EPS8: variants seen among roughly 807,000 people sequenced by gnomAD.
The protein encoded by EPS8 is epidermal growth factor receptor kinase substrate 8.
In EPS8, 42 loss-of-function variants were observed where a neutral mutation model predicts 103.8. The observed-to-expected ratio is 0.40, with a 90% confidence interval of 0.32 to 0.52. EPS8 has a LOEUF of 0.52. Among genes scored for constraint, EPS8 ranks in the 20% least tolerant of loss-of-function variants. The probability of loss-of-function intolerance (pLI) is 0.40; values close to 1 mark genes in which losing one functional copy is unlikely to be tolerated. For synonymous variants in EPS8, 344 were observed against 344.6 expected, an observed-to-expected ratio of 1.00 and a Z score of 0.02; for missense variants, 969 against 1,005.1, an observed-to-expected ratio of 0.96 and a Z score of 0.49.
rs1946354882 is a variant in EPS8 at position 15,704,287 on chromosome 12, C to G, written c.-21-21315G>C. 6.6e-6 allele frequency among the ~76,000 whole-genome samples: 1 copy of G among 152,144 alleles called. No individual in the cohort carries two copies. The highest frequency in any genetic ancestry group is 2.1e-4 in the South Asian group (1 of 4,832). ...GATATTTGTACACCCATGCTCATAT[C>G]AACATTATTCACGAGAGCCAAAAGG... On this transcript the variant is annotated intron_variant, in intron 1 of 20. Transcript: ENST00000281172. This position sits in a 1 kb window ranked among gnomAD's most constrained non-coding sequence, Gnocchi z 4.6.
chr12:15,729,792 G>A (rs1946693910), intron 1 of EPS8, among the ~76,000 whole-genome samples: 1 of 152,112 alleles, frequency 6.6e-6, no homozygotes, highest in African/African-American at 2.4e-5. Context: ...ATGCGTGTAT[G>A]ATTTCAATCT....
chr12:15,760,769 T>C lies in EPS8; in HGVS notation c.-22+28392A>G, dbSNP rs892370526. Among the ~76,000 whole-genome samples the C allele has an allele frequency of 4.6e-5, 7 of 151,840 alleles. No homozygotes were observed. The highest frequency in any genetic ancestry group is 8.8e-5 in the Non-Finnish European group (6 of 67,894). The stretch of plus-strand genomic sequence containing the variant: ...TAACATCCCTTCATGATAAAAACCC[T>C]CAAAAAGCTGGGAACAGAAAGAATA... On this transcript the variant is annotated intron_variant, in intron 1 of 20. Transcript: ENST00000281172. This position sits in a 1 kb window ranked among gnomAD's most constrained non-coding sequence, Gnocchi z 4.5.
Position 15,660,656 on chromosome 12 carries a change from T to C in EPS8, c.895A>G (p.Lys299Glu), listed in dbSNP as rs1205769391. Residue 299 changes from lysine (K) to glutamate (E), a missense_variant, in exon 10 of 21, where the codon AAA becomes GAA. By Grantham distance (56) the Lys-to-Glu change is moderately conservative. Transcript: ENST00000281172. ...TTACCTTTCTTGTTTTTCTTCCTTT[T>C]AGAAAGCTCAGAAAATGCTTCTGCT... ...KAAEAFSELS[K>E]RKKNKKGKRK... The C allele has an allele frequency of 2.5e-6, 4 of 1,604,216 alleles. No homozygotes were observed. Among genetic ancestry groups the C allele is most frequent in the Admixed American group, 3.3e-5 (2 of 59,898 alleles).
At chr12:15,740,919 T>C (rs946710344) in intron 1 of EPS8, among the ~76,000 whole-genome samples, 2 of 152,182 alleles carry the variant, frequency 1.3e-5, no homozygotes, top group Non-Finnish European at 2.9e-5. Flanking sequence ...AAGGTCAATT[T>C]CTTTTTTAAA....
At chr12:15,625,363 C>T (rs1944927798) in intron 18 of EPS8, among the ~76,000 whole-genome samples, 1 of 152,144 alleles carries the variant, frequency 6.6e-6, no homozygotes, top group Non-Finnish European at 1.5e-5. Context: ...GTTCATCAGC[C>T]TGCAAACATG....
intron 1 of EPS8, among the ~76,000 whole-genome samples, chr12:15,732,941 C>T (rs1170636326): frequency 6.6e-6 from 1 of 152,120 alleles, no homozygotes; most frequent in African/African-American, 2.4e-5. Context: ...GACTAAGACA[C>T]AGAAATAGCA....
At chr12:15,692,891 T>G (rs1268162298) in intron 1 of EPS8, among the ~76,000 whole-genome samples, 2 of 152,200 alleles carry the variant, frequency 1.3e-5, no homozygotes, top group East Asian at 3.8e-4. Context: ...ATTTTCTGAT[T>G]ACAGTATATT....
At chr12:15,774,028 T>C (rs889803294) in intron 1 of EPS8, among the ~76,000 whole-genome samples, 1 of 152,064 alleles carries the variant, frequency 6.6e-6, no homozygotes, top group East Asian at 1.9e-4. Flanking sequence ...TCACCAGAAG[T>C]GTACAAACTA....
chr12:15,777,332 T>C lies in EPS8; in HGVS notation c.-22+11829A>G, dbSNP rs542590833. The stretch of plus-strand genomic sequence containing the variant: ...AAAACCAACAGCATATGTTCTAATA[T>C]ATGACCAAAACCACAGTGGACCTTT... On this transcript the variant is annotated intron_variant, in intron 1 of 20. Coordinates refer to ENST00000281172, the MANE Select transcript of EPS8 (RefSeq NM_004447.6). This position sits in a 1 kb window ranked among gnomAD's most constrained non-coding sequence, Gnocchi z 4.7. Among the ~76,000 whole-genome samples the C allele has an allele frequency of 9.9e-5, 15 of 152,176 alleles. No individual in the cohort carries two copies. The highest frequency in any genetic ancestry group is 2.6e-4 in the Admixed American group (4 of 15,282).
At chr12:15,730,932 A>G (rs1946708737) in intron 1 of EPS8, among the ~76,000 whole-genome samples, 1 of 152,194 alleles carries the variant, frequency 6.6e-6, no homozygotes, top group South Asian at 2.1e-4. Context: ...ACATATAAAT[A>G]AGAATATCTA....
chr12:15,681,586 C>T (rs544861633), intron 2 of EPS8, among the ~76,000 whole-genome samples: 11 of 151,602 alleles, frequency 7.3e-5, no homozygotes, highest in Non-Finnish European at 1.5e-4. Context: ...CAAAATTAGC[C>T]GGGCGTTGTG....
rs148091973 is a variant in EPS8 at position 15,721,681 on chromosome 12, A to G, written c.-21-38709T>C. ...TGCCTTTGTCTTGCGCATCAAGTTA[A>G]AAGGATTTTCCTGAAAACTTAAAAG... On this transcript the variant is annotated intron_variant, in intron 1 of 20. Coordinates refer to ENST00000281172, the MANE Select transcript of EPS8 (RefSeq NM_004447.6). The surrounding 1 kb of genome is among the most constrained non-coding windows in gnomAD (Gnocchi z 4.4). Among the ~76,000 whole-genome samples the G allele has an allele frequency of 1.8e-3, 277 of 152,310 alleles. 1 individual carries two copies. The highest frequency in any genetic ancestry group is 6.3e-3 in the African/African-American group (263 of 41,558).
chr12:15,685,708 T>C (rs1312781808), intron 1 of EPS8, among the ~76,000 whole-genome samples: 2 of 152,192 alleles, frequency 1.3e-5, no homozygotes, highest in South Asian at 2.1e-4. Flanking sequence ...GTGGCAAATA[T>C]GGAGGCTTTC....
In EPS8 at chr12:15,762,584, C is replaced by CA. The variant is rs1267218938; in HGVS notation, c.-22+26576dup. On this transcript the variant is annotated intron_variant, in intron 1 of 20. Transcript: ENST00000281172. This position sits in a 1 kb window ranked among gnomAD's most constrained non-coding sequence, Gnocchi z 4.8. ...ATAAAGTAAATGTGGTACTTATACA[C>CA]AATGGAGTACTATTCATAAAATGAA... 2.6e-5 allele frequency among the ~76,000 whole-genome samples: 4 copies of CA among 152,222 alleles called. No individual in the cohort carries two copies. The East Asian group carries it at 5.8e-4, about 22-fold the overall frequency.
In EPS8 at chr12:15,749,194, G is replaced by A. The variant is rs1946906330; in HGVS notation, c.-22+39967C>T. Among the ~76,000 whole-genome samples, 1 of 151,976 alleles carries A rather than the reference G, an allele frequency of 6.6e-6. No individual in the cohort carries two copies. The highest frequency in any genetic ancestry group is 2.4e-5 in the African/African-American group (1 of 41,370). The stretch of plus-strand genomic sequence containing the variant: ...CACTAAGGGCCAATATAGGAAACAA[G>A]TAATTAAAAAAAAATTTATTCTGGT... On this transcript the variant is annotated intron_variant, in intron 1 of 20. Coordinates refer to ENST00000281172, the MANE Select transcript of EPS8 (RefSeq NM_004447.6). The surrounding 1 kb of genome is among the most constrained non-coding windows in gnomAD (Gnocchi z 4.0).
chr12:15,690,004 A>T lies in EPS8; in HGVS notation c.-21-7032T>A, dbSNP rs1446395603. ...AAAATAGTAAATCATAAAACATTAC[A>T]GGTACAGCAAGAAGAGCTGTAACCC... On this transcript the variant is annotated intron_variant, in intron 1 of 20. Transcript: ENST00000281172. This position sits in a 1 kb window ranked among gnomAD's most constrained non-coding sequence, Gnocchi z 4.7. Among the ~76,000 whole-genome samples, 1 of 152,160 alleles carries T rather than the reference A, an allele frequency of 6.6e-6. No homozygotes were observed. The highest frequency in any genetic ancestry group is 1.9e-4 in the East Asian group (1 of 5,204).
intron 1 of EPS8, among the ~76,000 whole-genome samples, chr12:15,703,843 ATTTG>A: frequency 2.0e-5 from 1 of 50,502 alleles, no homozygotes; most frequent in African/African-American, 9.6e-5. Flanking sequence ...TGCTCTATGT[ATTTG>A]TTTTTTTTTT....
rs1480237196 is a variant in EPS8, at chr12:15,759,717, C to T, written c.-22+29444G>A. On this transcript the variant is annotated intron_variant, in intron 1 of 20. Transcript: ENST00000281172. This position sits in a 1 kb window ranked among gnomAD's most constrained non-coding sequence, Gnocchi z 4.9. ...ATTAAACAATATGCTCACGAATGAC[C>T]ACTGGGTCAATGAAGAAACTAAGAA... Among the ~76,000 whole-genome samples the T allele has an allele frequency of 6.6e-6, 1 of 151,896 alleles. No individual in the cohort carries two copies. The highest frequency in any genetic ancestry group is 1.5e-5 in the Non-Finnish European group (1 of 67,910).
At chr12:15,665,637 G>T (rs2135832618) in intron 8 of EPS8, 119 bp downstream of exon 8, 1 of 1,297,912 alleles carries the variant, frequency 7.7e-7, no homozygotes, top group Non-Finnish European at 1.1e-6. Context: ...GGCCAGAGTT[G>T]ATTTTTTAAA....
Sources: gnomAD v4.1 joint callset for allele counts (sites outside exome capture counted in the v4.1 genomes callset) on GRCh38, gnomAD v4.1.1 for gene constraint, Gnocchi (gnomAD v3.1) non-coding constraint, MANE v1.5 for transcripts, NCBI Gene and HGNC (gene_info 2026-07-23, HGNC 2026-07-21) for gene names.